Variants in PIGO observed in about 807,000 individuals in gnomAD.
The protein encoded by PIGO is phosphatidylinositol glycan anchor biosynthesis class O.
Under a neutral mutation model 86.9 loss-of-function variants are expected in PIGO, and 66 were observed. The ratio of observed to expected loss-of-function variants is 0.76; its 90% CI spans 0.62 to 0.93. The LOEUF is 0.93. Among genes scored for constraint, PIGO ranks in the 40% least tolerant of loss-of-function variants. The pLI, the probability that PIGO is intolerant of heterozygous loss-of-function variation, is 0.00. For synonymous variants in PIGO, 570 were observed against 556.4 expected, an observed-to-expected ratio of 1.02 and a Z score of -0.34; for missense variants, 1,202 against 1,359.1, an observed-to-expected ratio of 0.88 and a Z score of 1.82.
chr9:35,089,684 T>G, intron 9 of PIGO: 3 of 1,420,984 alleles, frequency 2.1e-6, no homozygotes, highest in Non-Finnish European at 2.7e-6. Flanking sequence ...ATGCTAACAC[T>G]CAGGCTGTGC....
Position 35,095,309 on chromosome 9 carries a change from T to C in PIGO, c.257A>G (p.Gln86Arg), listed in dbSNP as rs112670103. The change falls in exon 2 of 11, where the codon CAG becomes CGG. Residue 86 changes from glutamine (Q) to arginine (R), a missense_variant. Coordinates refer to ENST00000378617, the MANE Select transcript of PIGO (RefSeq NM_032634.4). Reference protein sequence around the residue: ...DALRFDFAQPQHSHVPREPPV... With the variant: ...DALRFDFAQPRHSHVPREPPV... ...AGGCTCTCTAGGCACGTGTGAATGC[T>C]GGGGCTGGGCGAAGTCAAATCGCAG... 267 of 1,614,024 alleles carry C rather than the reference T, an allele frequency of 1.7e-4. No individual in the cohort carries two copies. The highest frequency in any genetic ancestry group is 2.1e-4 in the Non-Finnish European group (244 of 1,180,016).
intron 9 of PIGO, 23 bp downstream of exon 9, chr9:35,090,043 C>T (rs1195173689): frequency 1.3e-6 from 2 of 1,598,972 alleles, no homozygotes; most frequent in African/African-American, 1.3e-5. Flanking sequence ...ACACCAACTC[C>T]CTGATCTCTC....
chr9:35,089,770 G>T, intron 9 of PIGO: 2 of 1,390,526 alleles, frequency 1.4e-6, no homozygotes, highest in Non-Finnish European at 1.9e-6. Context: ...CACAGTTTGG[G>T]AAGAAAATCC....
chr9:35,093,750 C>A (rs1829543763), intron 4 of PIGO, 151 bp downstream of exon 4: 2 of 1,452,696 alleles, frequency 1.4e-6, no homozygotes, highest in African/African-American at 1.4e-5. Context: ...CCCAAAGCTA[C>A]ACATTGAGTT....
rs746676621 is a variant in PIGO, at chr9:35,091,884, A to C, written c.2003T>G (p.Leu668Trp). Reference protein sequence around the residue: ...ASMVGGRAKNLWYGACVAALV... With the variant: ...ASMVGGRAKNWWYGACVAALV... ...CGCCGCCACACAAGCTCCATACCAC[A>C]AATTCTTGGCTCGACCACCCACCAT... Residue 668 changes from leucine to tryptophan, a missense_variant, in exon 7 of 11, where the codon TTG becomes TGG. Coordinates refer to ENST00000378617, the MANE Select transcript of PIGO (RefSeq NM_032634.4). The C allele has an allele frequency of 1.2e-6, 2 of 1,614,158 alleles. No homozygotes were observed. Among genetic ancestry groups the C allele is most frequent in the South Asian group, 1.1e-5 (1 of 91,084 alleles).
chr9:35,090,421 A>G lies in PIGO; in HGVS notation c.2854+45T>C, dbSNP rs778404980. The G allele has an allele frequency of 1.9e-6, 3 of 1,574,782 alleles. No homozygotes were observed. The South Asian group carries it at 3.4e-5, about 18-fold the overall frequency. On this transcript the variant is annotated intron_variant, in intron 8 of 10. Coordinates refer to ENST00000378617, the MANE Select transcript of PIGO (RefSeq NM_032634.4). ...ATCCAGGGGTTTCCTTTCTTTCCAC[A>G]AAGCCAGAGTAAACAATGGAAGCAA...
At chr9:35,093,686 T>C (rs1467751450) in intron 4 of PIGO, 106 bp from the exon 5 acceptor site, 10 of 1,426,772 alleles carry the variant, frequency 7.0e-6, no homozygotes, top group Non-Finnish European at 7.5e-6. Context: ...ATAACTCCAT[T>C]AGTAAGGCCT....
Position 35,090,174 on chromosome 9 carries a change from C to T in PIGO, c.2961G>A (p.Glu987=), listed in dbSNP as rs2131070794. 6.2e-7 allele frequency: 1 copy of T among 1,614,234 alleles called. No homozygotes were observed. The highest frequency in any genetic ancestry group is 8.5e-7 in the Non-Finnish European group (1 of 1,180,050). ...TCTCCATCAGTGGCTCCTCTTCCTC[C>T]TCGGGTCTGACTCTGGCATCAGCTT... ...GNEADARVRP[E]EEEEPLMEMR... The change falls in exon 9 of 11, where the codon GAG becomes GAA. Residue 987 remains glutamate, a synonymous_variant. Transcript: ENST00000378617.
Position 35,092,172 on chromosome 9 carries a change from G to T in PIGO, c.1715C>A (p.Ala572Asp). ...GAATGAGCCCAAAAGGAAGGGGGTG[G>T]CCCTGGCCTCAGCTACAACAAAACT... is the stretch of plus-strand genomic sequence containing the variant. ...SDSFVVAEAR[A>D]TPFLLGSFIL... The change falls in exon 7 of 11, where the codon GCC becomes GAC. Residue 572 changes from alanine (A) to aspartate (D), a missense_variant. Transcript: ENST00000378617. 6.2e-7 allele frequency: 1 copy of T among 1,614,198 alleles called. No homozygotes were observed. The highest frequency in any genetic ancestry group is 8.5e-7 in the Non-Finnish European group (1 of 1,180,036).
At position 35,090,626 on chromosome 9, in the gene PIGO, CA is replaced by C; in HGVS notation, c.2693del (p.Met898ArgfsTer41). On this transcript the variant is annotated frameshift_variant, in exon 8 of 11. Transcript: ENST00000378617. LOFTEE classifies it high-confidence loss of function. ...PWQAVSAWALMATQTFYSTGH... is the reference protein window; with the variant it reads ...PWQAVSAWALXATQTFYSTGH... ...CTGTGGAGTAGAAGGTCTGTGTGGCCATGAGGGCCCAAGCCGAGACTGCCTG... is the reference window on the plus strand; with the variant it reads ...CTGTGGAGTAGAAGGTCTGTGTGGCCTGAGGGCCCAAGCCGAGACTGCCTG... The C allele has an allele frequency of 6.2e-7, 1 of 1,613,896 alleles. No individual in the cohort carries two copies. Among genetic ancestry groups the C allele is most frequent in the Non-Finnish European group, 8.5e-7 (1 of 1,180,010 alleles).
chr9:35,093,741 C>T, intron 4 of PIGO, 160 bp downstream of exon 4: 1 of 1,441,092 alleles, frequency 6.9e-7, no homozygotes, highest in South Asian at 1.4e-5. Flanking sequence ...ATCCTGATGC[C>T]CAAAGCTACA....
At chr9:35,093,760 T>TA in intron 4 of PIGO, 141 bp downstream of exon 4, 1 of 1,468,848 alleles carries the variant, frequency 6.8e-7, no homozygotes, top group Non-Finnish European at 9.2e-7. Context: ...CACATTGAGT[T>TA]AATCAAGATG....
At chr9:35,094,110 A>G in intron 3 of PIGO, 86 bp from the exon 4 acceptor site, 1 of 1,569,178 alleles carries the variant, frequency 6.4e-7, no homozygotes, top group Non-Finnish European at 8.6e-7. Flanking sequence ...ATGTCCAGGG[A>G]TACAAGCCCA....
chr9:35,090,964 T>C lies in PIGO; in HGVS notation c.2647+276A>G, dbSNP rs933298343. ...ATTTACTACTTCCATCACTGGAAAA[T>C]CAAGAAATGTGCTCATGAGGATGCA... is the stretch of plus-strand genomic sequence containing the variant. On this transcript the variant is annotated intron_variant, in intron 7 of 10. Transcript: ENST00000378617. The C allele has an allele frequency of 3.9e-5, 22 of 567,336 alleles. No individual in the cohort carries two copies. The African/African-American group carries it at 3.9e-4, about 10-fold the overall frequency. The allele number at this position is 567,336 out of a possible 1,614,324, so 35.1% of individuals were successfully genotyped here. A position where few individuals can be genotyped will look rare whatever the true frequency, so the allele number is the denominator to read the frequency against.
intron 1 of PIGO, 29 bp from the exon 2 acceptor site, chr9:35,095,595 A>G (rs1320928461): frequency 6.7e-7 from 1 of 1,497,626 alleles, no homozygotes; most frequent in Non-Finnish European, 8.9e-7. Context: ...TAAATTCATT[A>G]CTGTGGGGCA....
intron 4 of PIGO, 63 bp downstream of exon 4, chr9:35,093,838 A>G: frequency 2.5e-6 from 4 of 1,590,686 alleles, no homozygotes; most frequent in Non-Finnish European, 2.6e-6. Flanking sequence ...AAGCTCTAAG[A>G]TAAGAGCTTC....
Position 35,093,203 on chromosome 9 carries a change from C to G in PIGO, c.946G>C (p.Glu316Gln), listed in dbSNP as rs377198873. The G allele has an allele frequency of 5.0e-6, 8 of 1,608,894 alleles. No individual in the cohort carries two copies. The East Asian group carries it at 1.8e-4, about 36-fold the overall frequency. Residue 316 changes from glutamate to glutamine, a missense_variant, in exon 6 of 11, where the codon GAG becomes CAG. Glu to Gln is a conservative substitution (Grantham distance 29). Coordinates refer to ENST00000378617, the MANE Select transcript of PIGO (RefSeq NM_032634.4). ...ACAAGGCTAACTTGAGGAATCACCT[C>G]TGGCTCCTAAAGGAAAATGACAGTG... ...VFPSTPPEEP[E>Q]VIPQVSLVPT...
At chr9:35,090,893 T>C in intron 7 of PIGO, 1 of 589,980 alleles carries the variant, frequency 1.7e-6, no homozygotes, top group East Asian at 2.9e-5. Context: ...GCCAATCTCT[T>C]TCTTTCTCTC....
At chr9:35,095,642 C>G (rs1425564504) in intron 1 of PIGO, 76 bp from the exon 2 acceptor site, 2 of 1,407,748 alleles carry the variant, frequency 1.4e-6, no homozygotes, top group Admixed American at 5.6e-5. Context: ...GAATACAAGC[C>G]CAGCTAGAAT....
Sources: gnomAD v4.1 joint callset for allele counts on GRCh38, gnomAD v4.1.1 for gene constraint, MANE v1.5 for transcripts, NCBI Gene and HGNC (gene_info 2026-07-23, HGNC 2026-07-21) for gene names.